The following TENM3 variants were observed in gnomAD, a reference collection of about 807,000 sequenced individuals.
TENM3 encodes teneurin-3.
TENM3 carries 63 observed loss-of-function variants against 255.1 expected under a neutral mutation model. The observed-to-expected ratio is 0.25, with a 90% CI of 0.20 to 0.30. TENM3 has a LOEUF of 0.30. TENM3 is among the 10% of genes least tolerant of loss of function. TENM3 has a pLI of 1.00. For missense variants in TENM3, 2,929 were observed against 3,461.1 expected (o/e 0.85, Z 3.86); for synonymous variants, 1,306 against 1,322.3 (o/e 0.99, Z 0.27).
chr4:181,620,760 A>G, the TENM3 span, among the ~76,000 whole-genome samples: 1 of 152,176 alleles, frequency 6.6e-6, no homozygotes, highest in Admixed American at 6.5e-5. Flanking sequence ...AAAAATGACA[A>G]TACCTAAATT....
intron 3 of TENM3, among the ~76,000 whole-genome samples, chr4:182,476,028 G>A (rs1733657136): frequency 6.6e-6 from 1 of 152,168 alleles, no homozygotes; most frequent in Non-Finnish European, 1.5e-5. Flanking sequence ...AATAGATTTT[G>A]TAGAGAAGCC....
the TENM3 span, among the ~76,000 whole-genome samples, chr4:181,943,008 G>A: frequency 1.3e-5 from 2 of 152,126 alleles, no homozygotes; most frequent in Non-Finnish European, 2.9e-5. Flanking sequence ...CATATTCAAA[G>A]AGGCACATAG....
intron 1 of TENM3, among the ~76,000 whole-genome samples, chr4:182,276,446 A>G (rs1187523952): frequency 6.6e-6 from 1 of 152,216 alleles, no homozygotes. Flanking sequence ...TGTTGAAAAG[A>G]GCATAAGGTT....
chr4:182,121,215 C>G, the TENM3 span, among the ~76,000 whole-genome samples: 1 of 151,996 alleles, frequency 6.6e-6, no homozygotes, highest in African/African-American at 2.4e-5. Flanking sequence ...CCAGGCTGGT[C>G]TCGAACTACT....
chr4:182,066,783 C>T, the TENM3 span, among the ~76,000 whole-genome samples: 56 of 151,944 alleles, frequency 3.7e-4, no homozygotes, highest in African/African-American at 1.2e-3. Flanking sequence ...TGGTGGCAGG[C>T]GCCTGTAGTC....
intron 3 of TENM3, among the ~76,000 whole-genome samples, chr4:182,529,311 G>C (rs987106130): frequency 1.4e-4 from 21 of 152,146 alleles, no homozygotes; most frequent in African/African-American, 5.1e-4. Context: ...GATTATCACT[G>C]TGGCTTATTT....
chr4:181,831,187 T>G, the TENM3 span, among the ~76,000 whole-genome samples: 2 of 152,200 alleles, frequency 1.3e-5, no homozygotes, highest in Admixed American at 6.5e-5. Context: ...TTAATTCTTA[T>G]CCTTCACTTC....
At chr4:182,407,831 C>T (rs146301031) in intron 3 of TENM3, among the ~76,000 whole-genome samples, 103 of 152,312 alleles carry the variant, frequency 6.8e-4, no homozygotes, top group Non-Finnish European at 1.2e-3. Flanking sequence ...CTCAGGAATT[C>T]ACTCTTCATT....
chr4:182,527,475 A>G (rs1739324012), intron 3 of TENM3, among the ~76,000 whole-genome samples: 1 of 132,908 alleles, frequency 7.5e-6, no homozygotes, highest in African/African-American at 2.5e-5. Context: ...ATTAAGGGGA[A>G]CTATTATCTG....
At chr4:181,738,872 C>A in the TENM3 span, among the ~76,000 whole-genome samples, 1 of 151,966 alleles carries the variant, frequency 6.6e-6, no homozygotes, top group African/African-American at 2.4e-5. Context: ...CCAAGCGAAC[C>A]CTAAGGAGTA....
chr4:182,795,089 C>G (rs566850450), intron 26 of TENM3, among the ~76,000 whole-genome samples: 1 of 152,272 alleles, frequency 6.6e-6, no homozygotes, highest in African/African-American at 2.4e-5. Context: ...CAGCTCTCAA[C>G]AGGTTGCCCC....
At chr4:181,999,204 A>G in the TENM3 span, among the ~76,000 whole-genome samples, 7 of 152,130 alleles carry the variant, frequency 4.6e-5, no homozygotes, top group Non-Finnish European at 8.8e-5. Context: ...TTACTGCTCC[A>G]TATTTCTCTT....
the TENM3 span, among the ~76,000 whole-genome samples, chr4:181,896,154 A>G: frequency 2.0e-5 from 3 of 152,312 alleles, no homozygotes; most frequent in African/African-American, 7.2e-5. Context: ...TCCATGGAAG[A>G]GAGCAGGCCC....
the TENM3 span, among the ~76,000 whole-genome samples, chr4:181,535,646 C>G: frequency 2.6e-5 from 4 of 152,322 alleles, no homozygotes; most frequent in South Asian, 8.3e-4. Flanking sequence ...AGCCTTTCTT[C>G]AAGCTAGCCT....
the TENM3 span, among the ~76,000 whole-genome samples, chr4:181,821,850 CAGTT>C: frequency 1.4e-4 from 21 of 152,140 alleles, no homozygotes; most frequent in African/African-American, 2.4e-4. Context: ...TATTCATACT[CAGTT>C]AGACAGGATT....
intron 3 of TENM3, among the ~76,000 whole-genome samples, chr4:182,515,151 A>G (rs1580797861): frequency 6.6e-6 from 1 of 152,204 alleles, no homozygotes; most frequent in South Asian, 2.1e-4. Flanking sequence ...ATAGGTTGCA[A>G]TGGGTGGGAA....
At chr4:182,065,576 A>T in the TENM3 span, among the ~76,000 whole-genome samples, 1 of 152,242 alleles carries the variant, frequency 6.6e-6, no homozygotes, top group Admixed American at 6.5e-5. Flanking sequence ...AGCAAGGGGG[A>T]AATCCGCCCC....
At chr4:181,564,612 G>A in the TENM3 span, among the ~76,000 whole-genome samples, 2 of 152,062 alleles carry the variant, frequency 1.3e-5, no homozygotes, top group African/African-American at 4.8e-5. Flanking sequence ...TACATGAAAA[G>A]GGGTCTTCGT....
At chr4:182,551,885 T>C (rs1350887241) in intron 3 of TENM3, among the ~76,000 whole-genome samples, 1 of 151,866 alleles carries the variant, frequency 6.6e-6, no homozygotes, top group Non-Finnish European at 1.5e-5. Context: ...GGCGTGGTAG[T>C]GCATGCCTGT....
Sources: gnomAD v4.1 joint callset for allele counts (sites outside exome capture counted in the v4.1 genomes callset) on GRCh38, gnomAD v4.1.1 for gene constraint, MANE v1.5 for transcripts, NCBI Gene and HGNC (gene_info 2026-07-23, HGNC 2026-07-21) for gene names.